The following MAMLD1 variants were observed in gnomAD, a reference collection of about 807,000 sequenced individuals.
The protein encoded by MAMLD1 is mastermind-like domain-containing protein 1.
A neutral mutation model predicts 45.0 loss-of-function variants in MAMLD1; 14 were observed. The ratio of observed to expected loss-of-function variants is 0.31; its 90% CI spans 0.21 to 0.49. The LOEUF is 0.49. MAMLD1 is among the 20% of genes least tolerant of loss of function. MAMLD1 has a pLI of 0.99. For synonymous variants in MAMLD1, 254 were observed against 247.8 expected, an observed-to-expected ratio of 1.02 and a Z score of -0.24; for missense variants, 543 against 603.6, an observed-to-expected ratio of 0.90 and a Z score of 1.05.
chrX:150,402,558 T>C (rs200263752), intron 1 of MAMLD1, among the ~76,000 whole-genome samples: 86 of 112,048 alleles, frequency 7.7e-4, no homozygotes, highest in African/African-American at 2.4e-3. Context: ...TTGACCCAGC[T>C]ATCCCATTAC....
chrX:150,426,900 C>T (rs1458197839), intron 1 of MAMLD1, among the ~76,000 whole-genome samples: 4 of 112,010 alleles, frequency 3.6e-5, no homozygotes, highest in African/African-American at 1.3e-4. Flanking sequence ...GCTGTCATAA[C>T]AAAATATTAA....
At chrX:150,455,034 C>T (rs1196191210) in intron 2 of MAMLD1, among the ~76,000 whole-genome samples, 1 of 100,979 alleles carries the variant, frequency 9.9e-6, no homozygotes, top group African/African-American at 3.6e-5. Flanking sequence ...GGTTATATGA[C>T]ACTTCATGAT....
At chrX:150,508,511 A>G (rs1453126191) in intron 6 of MAMLD1, among the ~76,000 whole-genome samples, 1 of 112,199 alleles carries the variant, frequency 8.9e-6, no homozygotes, top group Non-Finnish European at 1.9e-5. Context: ...GGCGGGATAG[A>G]AAAGCAAACC....
At chrX:150,490,427 T>G (rs1224798085) in intron 5 of MAMLD1, among the ~76,000 whole-genome samples, 6 of 112,567 alleles carry the variant, frequency 5.3e-5, no homozygotes, top group African/African-American at 1.9e-4. Flanking sequence ...AATAAAACCC[T>G]ATGCATTTGG....
chrX:150,436,047 A>G (rs1602792367), intron 1 of MAMLD1, among the ~76,000 whole-genome samples: 1 of 111,763 alleles, frequency 8.9e-6, no homozygotes, highest in East Asian at 2.8e-4. Context: ...TAGGCCCCCA[A>G]TCTTTTCTAG....
chrX:150,441,008 A>G (rs2035293722), intron 1 of MAMLD1, among the ~76,000 whole-genome samples: 1 of 104,939 alleles, frequency 9.5e-6, no homozygotes, highest in African/African-American at 3.4e-5. Flanking sequence ...TAATATAAAT[A>G]TTAATATTTA....
chrX:150,419,447 T>A (rs1187327644), intron 1 of MAMLD1, among the ~76,000 whole-genome samples: 1 of 109,611 alleles, frequency 9.1e-6, no homozygotes, highest in Non-Finnish European at 1.9e-5. Flanking sequence ...CATTTAAAGT[T>A]AATATTGTTA....
At chrX:150,405,834 A>G (rs781980505) in intron 1 of MAMLD1, among the ~76,000 whole-genome samples, 1 of 110,498 alleles carries the variant, frequency 9.0e-6, no homozygotes, top group Non-Finnish European at 1.9e-5. Context: ...GAGGCTCTGG[A>G]GGTGTGTCAG....
chrX:150,492,385 C>T (rs1298889376), intron 5 of MAMLD1, among the ~76,000 whole-genome samples: 1 of 112,738 alleles, frequency 8.9e-6, no homozygotes, highest in Non-Finnish European at 1.9e-5. Context: ...AACAGGCCAG[C>T]AACGTATGGG....
intron 1 of MAMLD1, among the ~76,000 whole-genome samples, chrX:150,410,252 A>G (rs2034092169): frequency 8.9e-6 from 1 of 112,055 alleles, no homozygotes; most frequent in Non-Finnish European, 1.9e-5. Flanking sequence ...ACCCCAGTAG[A>G]ATGTCTGGCA....
chrX:150,416,991 A>G (rs2034264471), intron 1 of MAMLD1, among the ~76,000 whole-genome samples: 1 of 110,456 alleles, frequency 9.1e-6, no homozygotes, highest in Non-Finnish European at 1.9e-5. Flanking sequence ...TGCCTCACAT[A>G]GTCTTTTTTC....
chrX:150,415,433 T>C (rs2068607943), intron 1 of MAMLD1, among the ~76,000 whole-genome samples: 2 of 112,821 alleles, frequency 1.8e-5, no homozygotes, highest in South Asian at 7.4e-4. Flanking sequence ...TACCTTAACT[T>C]TGAATACAGA....
intron 2 of MAMLD1, 50 bp downstream of exon 2, chrX:150,445,662 T>C (rs1403159119): frequency 1.1e-6 from 1 of 948,427 alleles, no homozygotes; most frequent in East Asian, 3.1e-5. Context: ...CTTCTAATCT[T>C]AAACTTGAAC....
At chrX:150,445,366 C>A in intron 1 of MAMLD1, 88 bp from the exon 2 acceptor site, 1 of 496,655 alleles carries the variant, frequency 2.0e-6, no homozygotes. Flanking sequence ...TCCACACAAA[C>A]CTGTCTTCAG....
intron 1 of MAMLD1, among the ~76,000 whole-genome samples, chrX:150,413,728 C>A (rs999994628): frequency 6.3e-5 from 7 of 110,304 alleles, no homozygotes; most frequent in African/African-American, 2.3e-4. Context: ...AGACACCACA[C>A]CCCTGGAGTC....
chrX:150,477,726 G>A (rs901157591), intron 5 of MAMLD1, among the ~76,000 whole-genome samples: 1 of 111,694 alleles, frequency 9.0e-6, no homozygotes, highest in Non-Finnish European at 1.9e-5. Flanking sequence ...ACCACAGGAC[G>A]ACTTTAGGTG....
rs782025179 is a variant in MAMLD1 at position 150,470,641 on chromosome X, A to ACCACCC, written c.1072_1077dup (p.Pro358_Pro359dup). The ACCACCC allele has an allele frequency of 8.3e-7, 1 of 1,210,893 alleles. No individual in the cohort carries two copies. On this transcript the variant is annotated inframe_insertion, in exon 4 of 8. Coordinates refer to ENST00000370401, the MANE Select transcript of MAMLD1 (RefSeq NM_005491.5). ...CACCACCGCTGCCACTGCCACCACCACCACCCCCATTCAGCCCCCAGAGCC... is the reference window on the plus strand; with the variant it reads ...CACCACCGCTGCCACTGCCACCACCACCACCCCCACCCCCATTCAGCCCCCAGAGCC...
intron 2 of MAMLD1, among the ~76,000 whole-genome samples, chrX:150,459,150 G>A (rs923602361): frequency 9.0e-6 from 1 of 111,599 alleles, no homozygotes; most frequent in Non-Finnish European, 1.9e-5. Flanking sequence ...CAGGAAAGGA[G>A]GGGGAGGCTG....
intron 5 of MAMLD1, among the ~76,000 whole-genome samples, chrX:150,494,649 G>A (rs1301777159): frequency 9.0e-6 from 1 of 111,511 alleles, no homozygotes; most frequent in Non-Finnish European, 1.9e-5. Context: ...GGGAGGCTGA[G>A]GCAGGCAGAT....
Sources: allele counts gnomAD v4.1 joint callset (sites outside exome capture counted in the v4.1 genomes callset), GRCh38; gene constraint gnomAD v4.1.1; transcripts MANE v1.5; gene names NCBI Gene and HGNC (gene_info 2026-07-23, HGNC 2026-07-21).